MACO1: variants seen among roughly 807,000 people sequenced by gnomAD.
MACO1 encodes macoilin 1.
In MACO1, 14 loss-of-function variants were observed where a neutral mutation model predicts 78.7. The observed-to-expected ratio is 0.18, with a 90% CI of 0.12 to 0.28. MACO1 has a LOEUF of 0.28. Ranked by LOEUF, MACO1 falls within the 10% of genes least tolerant of loss-of-function variation. MACO1 has a pLI of 1.00. For synonymous variants in MACO1, 288 were observed against 291.6 expected, an observed-to-expected ratio of 0.99 and a Z score of 0.12; for missense variants, 501 against 799.0, an observed-to-expected ratio of 0.63 and a Z score of 4.50.
intron 6 of MACO1, among the ~76,000 whole-genome samples, chr1:25,479,345 A>AGTAGTT (rs2043349907): frequency 6.6e-6 from 1 of 152,238 alleles, no homozygotes; most frequent in South Asian, 2.1e-4. Flanking sequence ...CATTAAGACA[A>AGTAGTT]ATAGTAGTTA....
At chr1:25,495,140 C>G (rs2043523347) in intron 10 of MACO1, among the ~76,000 whole-genome samples, 1 of 152,162 alleles carries the variant, frequency 6.6e-6, no homozygotes, top group Non-Finnish European at 1.5e-5. Context: ...AGTGGCCACC[C>G]CTCAGTGCTT....
At chr1:25,431,628 G>A (rs1473064111) in intron 1 of MACO1, among the ~76,000 whole-genome samples, 3 of 152,040 alleles carry the variant, frequency 2.0e-5, no homozygotes, top group Non-Finnish European at 4.4e-5. Flanking sequence ...CAGCGCGGGG[G>A]GGTGGGGGAG....
intron 6 of MACO1, among the ~76,000 whole-genome samples, chr1:25,464,667 C>CA (rs1342193454): frequency 3.9e-4 from 40 of 102,484 alleles, no homozygotes; most frequent in African/African-American, 9.3e-4. Flanking sequence ...CCCACCCCCC[C>CA]CCTCCGCGAA....
chr1:25,464,895 AACT>A (rs1272686208), intron 6 of MACO1, among the ~76,000 whole-genome samples: 2 of 151,690 alleles, frequency 1.3e-5, no homozygotes, highest in African/African-American at 4.8e-5. Context: ...GCTGGTCTTG[AACT>A]CCTGACCTCA....
rs973775684 is a variant in MACO1 at position 25,498,788 on chromosome 1, C to T, written c.*322C>T. 5 of 247,126 alleles carry T rather than the reference C, an allele frequency of 2.0e-5. No individual in the cohort carries two copies. Among genetic ancestry groups the T allele is most frequent in the Admixed American group, 5.2e-5 (1 of 19,350 alleles). 15.3% of individuals were successfully genotyped at this position (247,126 alleles called of 1,614,324 possible). ...AGTTTCCTCTTGAAGAAAAAAAAAG[C>T]AGAGTTTTTGTTTTTCAACCCTTTA... On this transcript the variant is annotated 3_prime_UTR_variant, in exon 11 of 11. Coordinates refer to ENST00000374343, the MANE Select transcript of MACO1 (RefSeq NM_018202.6).
At chr1:25,497,848 G>A (rs886753717) in intron 10 of MACO1, among the ~76,000 whole-genome samples, 1 of 152,198 alleles carries the variant, frequency 6.6e-6, no homozygotes, top group South Asian at 2.1e-4. Flanking sequence ...CTCTTACGCT[G>A]TCATAGCTGA....
chr1:25,489,317 C>T, intron 9 of MACO1, 24 bp downstream of exon 9: 1 of 1,610,394 alleles, frequency 6.2e-7, no homozygotes, highest in Non-Finnish European at 8.5e-7. Flanking sequence ...AAAAGACTTC[C>T]CTTGTATTTG....
At chr1:25,474,848 T>G (rs527841892) in intron 6 of MACO1, among the ~76,000 whole-genome samples, 18 of 152,328 alleles carry the variant, frequency 1.2e-4, no homozygotes, top group African/African-American at 3.6e-4. Flanking sequence ...GCAGCACCAT[T>G]TCTTGTAGCG....
At chr1:25,475,565 A>AAAAAAG (rs2043315078) in intron 6 of MACO1, among the ~76,000 whole-genome samples, 1 of 148,142 alleles carries the variant, frequency 6.8e-6, no homozygotes. Flanking sequence ...AAAAAAAAAA[A>AAAAAAG]AAAAGGAAAA....
chr1:25,486,823 C>T (rs970629444), intron 8 of MACO1, among the ~76,000 whole-genome samples: 3 of 152,214 alleles, frequency 2.0e-5, no homozygotes, highest in African/African-American at 4.8e-5. Context: ...TCTATACAGA[C>T]TTACAAGGCC....
chr1:25,457,377 G>C (rs976911329), intron 5 of MACO1, among the ~76,000 whole-genome samples: 12 of 152,096 alleles, frequency 7.9e-5, no homozygotes, highest in African/African-American at 2.7e-4. Context: ...CTTCTGAAGT[G>C]TAGGGATTAC....
At chr1:25,436,766 T>A (rs1307337594) in intron 1 of MACO1, among the ~76,000 whole-genome samples, 1 of 152,232 alleles carries the variant, frequency 6.6e-6, no homozygotes, top group African/African-American at 2.4e-5. Context: ...GACATCAAAT[T>A]GTCTCAGCTG....
rs1374973991 is a variant in MACO1, at chr1:25,458,595, T to C, written c.857T>C (p.Ile286Thr). ...LQPVDSKIQE[I>T]EYMENHINSK... ...CCTGTAGACTCTAAAATACAAGAGA[T>C]TGAGTATATGGAAAACCATATCAAT... The change falls in exon 6 of 11, where the codon ATT becomes ACT. Residue 286 changes from isoleucine to threonine, a missense_variant. Around this residue, in one of 5 missense-constraint regions of MACO1, gnomAD observed 90 missense variants for 85.7 expected, o/e 1.05. Coordinates refer to ENST00000374343, the MANE Select transcript of MACO1 (RefSeq NM_018202.6). The C allele has an allele frequency of 1.2e-6, 2 of 1,613,394 alleles. No individual in the cohort carries two copies. Among genetic ancestry groups the C allele is most frequent in the East Asian group, 2.2e-5 (1 of 44,856 alleles).
At chr1:25,495,583 TAAG>T (rs1040534596) in intron 10 of MACO1, among the ~76,000 whole-genome samples, 1 of 152,190 alleles carries the variant, frequency 6.6e-6, no homozygotes, top group African/African-American at 2.4e-5. Flanking sequence ...GATATTCTAA[TAAG>T]AACCCAACTT....
Position 25,458,692 on chromosome 1 carries a change from C to T in MACO1, c.954C>T (p.Ser318=). The T allele has an allele frequency of 2.5e-6, 4 of 1,614,030 alleles. No homozygotes were observed. Among genetic ancestry groups the T allele is most frequent in the Non-Finnish European group, 2.5e-6 (3 of 1,179,994 alleles). The change falls in exon 6 of 11, where the codon TCC becomes TCT. Residue 318 remains serine, a synonymous_variant. Coordinates refer to ENST00000374343, the MANE Select transcript of MACO1 (RefSeq NM_018202.6). The part of the protein sequence containing the change: ...NLLKEDSCTA[S]SKNYKNASGV... ...TGAAAGAGGACTCATGCACTGCTTC[C>T]TCAAAAAATTACAAAAATGCCAGTG...
chr1:25,487,545 T>C (rs1162752983), intron 8 of MACO1, among the ~76,000 whole-genome samples: 2 of 152,228 alleles, frequency 1.3e-5, no homozygotes, highest in African/African-American at 4.8e-5. Flanking sequence ...TTCATTGGGC[T>C]GTTTCTGGAA....
At position 25,466,148 on chromosome 1, in the gene MACO1, A is replaced by G. The variant is rs115419207; in HGVS notation, c.1154+7256A>G. 6.6e-3 allele frequency among the ~76,000 whole-genome samples: 1,008 copies of G among 152,320 alleles called. 12 individuals carry two copies. Among genetic ancestry groups the G allele is most frequent in the Non-Finnish European group, 9.6e-3 (655 of 68,028 alleles). Reference sequence around the variant, plus strand: ...TAACCAGTAGTGGGATTGCTGGATCAAGTGGCAGTTTTACTTACAATTCTT... The same window carrying G: ...TAACCAGTAGTGGGATTGCTGGATCGAGTGGCAGTTTTACTTACAATTCTT... On this transcript the variant is annotated intron_variant, in intron 6 of 10. Transcript: ENST00000374343.
chr1:25,465,269 A>G (rs138811901), intron 6 of MACO1, among the ~76,000 whole-genome samples: 3 of 152,312 alleles, frequency 2.0e-5, no homozygotes, highest in African/African-American at 7.2e-5. Context: ...ATAAACATCT[A>G]TGTGCCGGTT....
rs771873216 is a variant in MACO1 at position 25,446,843 on chromosome 1, C to T, written c.162C>T (p.Tyr54=). The part of the protein sequence containing the change: ...ADFVLEFRFE[Y]LWPFWLFIRS... Reference sequence around the variant, plus strand: ...TTGTCCTGGAGTTCAGATTTGAATACCTGTGGCCATTCTGGCTTTTCATCA... The same window carrying T: ...TTGTCCTGGAGTTCAGATTTGAATATCTGTGGCCATTCTGGCTTTTCATCA... The change falls in exon 2 of 11, where the codon TAC becomes TAT. Residue 54 remains tyrosine (Y), a synonymous_variant. Coordinates refer to ENST00000374343, the MANE Select transcript of MACO1 (RefSeq NM_018202.6). 3.2e-5 allele frequency: 52 copies of T among 1,613,770 alleles called. No individual in the cohort carries two copies. The highest frequency in any genetic ancestry group is 1.3e-4 in the Admixed American group (8 of 59,988).
Sources: allele counts gnomAD v4.1 joint callset (sites outside exome capture counted in the v4.1 genomes callset), GRCh38; gene constraint gnomAD v4.1.1; regional missense constraint gnomAD v4.1.1; transcripts MANE v1.5; gene names NCBI Gene and HGNC (gene_info 2026-07-23, HGNC 2026-07-21).